Variants in PLPPR1 observed in about 807,000 individuals in gnomAD.
PLPPR1 encodes phospholipid phosphatase-related protein type 1.
A neutral mutation model predicts 33.1 loss-of-function variants in PLPPR1; 10 were observed. The observed-to-expected ratio is 0.30, with a 90% CI of 0.19 to 0.51. The LOEUF (loss-of-function observed/expected upper bound fraction) is 0.51. PLPPR1 is among the 20% of genes least tolerant of loss of function. The probability of loss-of-function intolerance (pLI) is 0.97; values close to 1 mark genes in which losing one functional copy is unlikely to be tolerated. For missense variants in PLPPR1, 304 were observed against 408.1 expected, an observed-to-expected ratio of 0.74 and a Z score of 2.20; for synonymous variants, 151 against 151.0, an observed-to-expected ratio of 1.00 and a Z score of 0.00.
chr9:101,300,303 A>C (rs1828728729), intron 4 of PLPPR1, among the ~76,000 whole-genome samples: 1 of 152,070 alleles, frequency 6.6e-6, no homozygotes, highest in African/African-American at 2.4e-5. Flanking sequence ...TCTCCTGAGT[A>C]GCCGGGAGCA....
At chr9:101,179,988 G>A (rs535807432) in intron 1 of PLPPR1, among the ~76,000 whole-genome samples, 1 of 150,904 alleles carries the variant, frequency 6.6e-6, no homozygotes, top group African/African-American at 2.4e-5. Context: ...CAGACTCCAA[G>A]TTCTTCAGTT....
intron 1 of PLPPR1, among the ~76,000 whole-genome samples, chr9:101,079,801 A>G (rs1830596450): frequency 6.6e-6 from 1 of 152,040 alleles, no homozygotes. Flanking sequence ...GCTAGTCTTG[A>G]ACTCCTGACC....
At chr9:101,248,287 G>A (rs1412567855) in intron 2 of PLPPR1, among the ~76,000 whole-genome samples, 1 of 152,102 alleles carries the variant, frequency 6.6e-6, no homozygotes, top group East Asian at 1.9e-4. Context: ...AACTGTGTAA[G>A]AATATAACTT....
At chr9:101,215,469 C>T (rs945853013) in intron 2 of PLPPR1, among the ~76,000 whole-genome samples, 7 of 152,016 alleles carry the variant, frequency 4.6e-5, no homozygotes, top group East Asian at 1.9e-4. Context: ...TTAGTAGAGT[C>T]GGGGTTTCAC....
chr9:101,300,306 C>T (rs906454076), intron 4 of PLPPR1, among the ~76,000 whole-genome samples: 7 of 151,860 alleles, frequency 4.6e-5, no homozygotes, highest in Non-Finnish European at 8.8e-5. Flanking sequence ...CCTGAGTAGC[C>T]GGGAGCACAG....
intron 1 of PLPPR1, among the ~76,000 whole-genome samples, chr9:101,077,173 C>T (rs909946738): frequency 6.6e-6 from 1 of 152,174 alleles, no homozygotes; most frequent in African/African-American, 2.4e-5. Context: ...GCCTCTGCTT[C>T]TTCACATCTC....
intron 2 of PLPPR1, among the ~76,000 whole-genome samples, chr9:101,200,838 C>A (rs1236508268): frequency 6.6e-6 from 1 of 152,090 alleles, no homozygotes; most frequent in African/African-American, 2.4e-5. Flanking sequence ...CATTAATTTT[C>A]TTTTGATAGT....
intron 1 of PLPPR1, among the ~76,000 whole-genome samples, chr9:101,116,626 A>G (rs1012089229): frequency 5.3e-5 from 8 of 152,080 alleles, no homozygotes; most frequent in Non-Finnish European, 1.0e-4. Context: ...CATCCTGGCC[A>G]AGATGGTGAA....
chr9:101,204,109 G>A (rs576843095), intron 2 of PLPPR1, among the ~76,000 whole-genome samples: 1 of 152,108 alleles, frequency 6.6e-6, no homozygotes, highest in African/African-American at 2.4e-5. Flanking sequence ...CTATCTTTTA[G>A]TGTTGCAGTT....
At chr9:101,310,739 C>A (rs1828939216) in intron 5 of PLPPR1, among the ~76,000 whole-genome samples, 1 of 152,208 alleles carries the variant, frequency 6.6e-6, no homozygotes, top group Non-Finnish European at 1.5e-5. Flanking sequence ...TTATTTAAAA[C>A]AACCAGGAGC....
At chr9:101,051,403 A>T (rs1476394031) in intron 1 of PLPPR1, among the ~76,000 whole-genome samples, 3 of 152,000 alleles carry the variant, frequency 2.0e-5, no homozygotes, top group Non-Finnish European at 4.4e-5. Context: ...TTATTCTGGC[A>T]CTCAATATCC....
Position 101,324,037 on chromosome 9 carries a change from TCCATGA to T in PLPPR1, c.961_966del (p.Met321_Thr322del). 6.2e-7 allele frequency: 1 copy of T among 1,613,034 alleles called. No homozygotes were observed. Among genetic ancestry groups the T allele is most frequent in the East Asian group, 2.2e-5 (1 of 44,860 alleles). On this transcript the variant is annotated inframe_deletion, in exon 8 of 8. Coordinates refer to ENST00000374874, the MANE Select transcript of PLPPR1 (RefSeq NM_207299.2). ...GTTTGCTCCACAGAATCACTCTGCG[TCCATGA>T]CCGAAGTTACCTGAGACGACTGATG... is the stretch of plus-strand genomic sequence containing the variant.
At chr9:101,257,212 T>C (rs759783184) in intron 2 of PLPPR1, among the ~76,000 whole-genome samples, 1 of 151,818 alleles carries the variant, frequency 6.6e-6, no homozygotes, top group Admixed American at 6.6e-5. Context: ...CAGATACTTA[T>C]CTCTCTGTCT....
Position 101,180,094 on chromosome 9 carries a change from T to C in PLPPR1, c.-45-5356T>C, listed in dbSNP as rs559141334. Among the ~76,000 whole-genome samples, 264 of 62,028 alleles carry C rather than the reference T, an allele frequency of 4.3e-3. 7 individuals are homozygous for C. Among genetic ancestry groups the C allele is most frequent in the African/African-American group, 0.015 (238 of 15,990 alleles). 40.7% of individuals were successfully genotyped at this position (62,028 alleles called of 152,430 possible). On this transcript the variant is annotated intron_variant, in intron 1 of 7. Transcript: ENST00000374874. ...GAGTTAATACTTAATAAACTCTCCTTTATATATATATATATATATATATAT... is the reference window on the plus strand; with the variant it reads ...GAGTTAATACTTAATAAACTCTCCTCTATATATATATATATATATATATAT...
At chr9:101,076,878 T>C (rs1235206810) in intron 1 of PLPPR1, among the ~76,000 whole-genome samples, 2 of 152,222 alleles carry the variant, frequency 1.3e-5, no homozygotes, top group Non-Finnish European at 2.9e-5. Context: ...AGAACAAGTC[T>C]TCTTCCACTA....
chr9:101,291,799 A>G (rs1292535691), intron 4 of PLPPR1, among the ~76,000 whole-genome samples: 1 of 152,292 alleles, frequency 6.6e-6, no homozygotes, highest in Middle Eastern at 3.4e-3. Context: ...GTACATCACC[A>G]TCATCAAAGA....
At chr9:101,238,349 G>GTATATATATATATA (rs199647180) in intron 2 of PLPPR1, among the ~76,000 whole-genome samples, 34 of 132,974 alleles carry the variant, frequency 2.6e-4, no homozygotes, top group South Asian at 5.0e-4. Flanking sequence ...ATATATAGAG[G>GTATATATATATATA]TGTATATATA....
At chr9:101,083,675 T>C (rs1412890866) in intron 1 of PLPPR1, among the ~76,000 whole-genome samples, 2 of 152,182 alleles carry the variant, frequency 1.3e-5, no homozygotes, top group Non-Finnish European at 2.9e-5. Flanking sequence ...TCGCTTACCA[T>C]GCAGCATCCT....
intron 1 of PLPPR1, among the ~76,000 whole-genome samples, chr9:101,067,148 A>C (rs1485231170): frequency 6.6e-6 from 1 of 152,020 alleles, no homozygotes; most frequent in Admixed American, 6.6e-5. Flanking sequence ...CGAGGTCATA[A>C]ATTTTTTTCC....
Sources: gnomAD v4.1 joint callset for allele counts (sites outside exome capture counted in the v4.1 genomes callset) on GRCh38, gnomAD v4.1.1 for gene constraint, MANE v1.5 for transcripts, NCBI Gene and HGNC (gene_info 2026-07-23, HGNC 2026-07-21) for gene names.